MTUS2: variants seen among roughly 807,000 people sequenced by gnomAD.
MTUS2 encodes the protein microtubule-associated tumor suppressor candidate 2.
A neutral mutation model predicts 114.1 loss-of-function variants in MTUS2; 40 were observed. The ratio of observed to expected loss-of-function variants is 0.35; its 90% CI spans 0.27 to 0.46. The LOEUF (loss-of-function observed/expected upper bound fraction) is 0.46, where lower values mean the gene tolerates loss of function less well. MTUS2 is among the 20% of genes least tolerant of loss of function. The pLI is 1.00. For synonymous variants in MTUS2, 688 were observed against 672.0 expected, an observed-to-expected ratio of 1.02 and a Z score of -0.37; for missense variants, 1,679 against 1,705.4, an observed-to-expected ratio of 0.98 and a Z score of 0.27.
intron 8 of MTUS2, among the ~76,000 whole-genome samples, chr13:29,411,605 AAC>A (rs1875244406): frequency 6.6e-6 from 1 of 152,244 alleles, no homozygotes; most frequent in African/African-American, 2.4e-5. Flanking sequence ...AACTCCATAA[AAC>A]ACAGATTTGT....
chr13:29,029,602 G>T (rs1216254536), intron 3 of MTUS2, among the ~76,000 whole-genome samples: 2 of 152,162 alleles, frequency 1.3e-5, no homozygotes, highest in African/African-American at 4.8e-5. Flanking sequence ...ACCTGAGGCT[G>T]GGTAAATTAT....
In MTUS2 at chr13:29,025,138, T is replaced by C. The variant is rs749814686; in HGVS notation, c.440T>C (p.Leu147Ser). The change falls in exon 3 of 16, where the codon TTG (leucine) becomes TCG (serine). Residue 147 changes from leucine to serine, a missense_variant. Coordinates refer to ENST00000612955, the MANE Select transcript of MTUS2 (RefSeq NM_001033602.4). The stretch of plus-strand genomic sequence containing the variant: ...ATGAGTGAGGCCAGTCTAGACGTTT[T>C]GGCTAAAAGGGATGCTGAAATTCCC... Reference protein sequence around the residue: ...NVMSEASLDVLAKRDAEIPRH... With the variant: ...NVMSEASLDVSAKRDAEIPRH... The C allele has an allele frequency of 1.2e-6, 2 of 1,613,964 alleles. No individual in the cohort carries two copies. Among genetic ancestry groups the C allele is most frequent in the Non-Finnish European group, 1.7e-6 (2 of 1,179,894 alleles).
At chr13:29,047,484 C>T (rs1887678558) in intron 4 of MTUS2, among the ~76,000 whole-genome samples, 1 of 150,760 alleles carries the variant, frequency 6.6e-6, no homozygotes, top group Non-Finnish European at 1.5e-5. Context: ...ATTAGTTGAG[C>T]TATAGTTCAC....
chr13:29,465,745 G>A (rs371056237), intron 9 of MTUS2, among the ~76,000 whole-genome samples: 4 of 152,140 alleles, frequency 2.6e-5, no homozygotes, highest in South Asian at 2.1e-4. Flanking sequence ...CCAGCCAGCC[G>A]GCATGCTGGG....
intron 6 of MTUS2, among the ~76,000 whole-genome samples, chr13:29,287,882 C>T (rs1898555929): frequency 6.6e-6 from 1 of 152,192 alleles, no homozygotes. Context: ...ACAGGGTTCA[C>T]AGGCTGATGG....
At position 29,151,288 on chromosome 13, in the gene MTUS2, AT is replaced by A. The variant is rs200121560; in HGVS notation, c.2644+50324del. Among the ~76,000 whole-genome samples the A allele has an allele frequency of 9.0e-3, 1,370 of 152,024 alleles. 7 individuals are homozygous for A. Among genetic ancestry groups the A allele is most frequent in the Non-Finnish European group, 0.013 (895 of 67,932 alleles). On this transcript the variant is annotated intron_variant, in intron 5 of 15. Coordinates refer to ENST00000612955, the MANE Select transcript of MTUS2 (RefSeq NM_001033602.4). The stretch of plus-strand genomic sequence containing the variant: ...GTTAAATATATTTGTAGATATTTTA[AT>A]TTTTTGTGACTATTGTAAGTGGGAT...
chr13:29,134,371 T>C (rs1891886107), intron 5 of MTUS2, among the ~76,000 whole-genome samples: 1 of 147,268 alleles, frequency 6.8e-6, no homozygotes, highest in African/African-American at 2.4e-5. Context: ...TAGAGTACTC[T>C]GTATAAATCT....
intron 8 of MTUS2, among the ~76,000 whole-genome samples, chr13:29,437,947 CAAAAA>C (rs60962567): frequency 1.5e-5 from 2 of 136,374 alleles, no homozygotes; most frequent in Admixed American, 7.2e-5. Context: ...GATCTTATCT[CAAAAA>C]AAAAAAAAAA....
rs1593220288 is a variant in MTUS2 at position 29,248,700 on chromosome 13, T to A, written c.2645-33004T>A. ...TGTCCATGTGTTCTCATCGTTCATC[T>A]CCCACTTATGAGTGAGAACATGTGG... On this transcript the variant is annotated intron_variant, in intron 5 of 15. Transcript: ENST00000612955. Among the ~76,000 whole-genome samples, 4 of 152,306 alleles carry A rather than the reference T, an allele frequency of 2.6e-5. 1 individual carries two copies. Among genetic ancestry groups the A allele is most frequent in the Admixed American group, 2.6e-4 (4 of 15,302 alleles).
chr13:28,848,507 A>G (rs181046594), intron 2 of MTUS2, among the ~76,000 whole-genome samples: 113 of 152,100 alleles, frequency 7.4e-4, no homozygotes, highest in Admixed American at 1.6e-3. Flanking sequence ...ATAAAAACAA[A>G]CTTGTTGGAA....
rs530869231 is a variant in MTUS2 at position 29,017,664 on chromosome 13, T to C, written c.-242-6793T>C. Among the ~76,000 whole-genome samples the C allele has an allele frequency of 4.6e-5, 7 of 152,052 alleles. No individual in the cohort carries two copies. The South Asian group carries it at 1.0e-3, about 23-fold the overall frequency. On this transcript the variant is annotated intron_variant, in intron 2 of 15. Transcript: ENST00000612955. ...GGAGGACGTCTAACCAGTTGCTCAGTTGGGAAGGGTGGCTTTACAATTTTC... is the reference window on the plus strand; with the variant it reads ...GGAGGACGTCTAACCAGTTGCTCAGCTGGGAAGGGTGGCTTTACAATTTTC...
At chr13:29,243,346 G>C (rs767357177) in intron 5 of MTUS2, among the ~76,000 whole-genome samples, 1 of 152,110 alleles carries the variant, frequency 6.6e-6, no homozygotes, top group African/African-American at 2.4e-5. Flanking sequence ...TAGCTGGGCC[G>C]CAGGAGCCAA....
At chr13:29,331,902 A>G (rs577119765) in intron 7 of MTUS2, among the ~76,000 whole-genome samples, 1 of 152,164 alleles carries the variant, frequency 6.6e-6, no homozygotes, top group Admixed American at 6.5e-5. Context: ...CATCCTAGGG[A>G]TAAAGCCGAG....
At chr13:29,409,860 C>T (rs1875091895) in intron 8 of MTUS2, among the ~76,000 whole-genome samples, 1 of 151,358 alleles carries the variant, frequency 6.6e-6, no homozygotes, top group Non-Finnish European at 1.5e-5. Flanking sequence ...GTTGTTGGAC[C>T]ATTCTCCTAG....
At chr13:29,090,384 G>T (rs1203641695) in intron 4 of MTUS2, among the ~76,000 whole-genome samples, 1 of 152,200 alleles carries the variant, frequency 6.6e-6, no homozygotes, top group African/African-American at 2.4e-5. Context: ...TAGGGTAGTG[G>T]AGTGCCTGTG....
chr13:28,898,790 T>C (rs539550283), intron 2 of MTUS2, among the ~76,000 whole-genome samples: 1 of 152,324 alleles, frequency 6.6e-6, no homozygotes, highest in East Asian at 1.9e-4. Flanking sequence ...AATAATATCA[T>C]GTAATGGGCT....
At chr13:29,085,348 G>C (rs1889644670) in intron 4 of MTUS2, among the ~76,000 whole-genome samples, 1 of 152,172 alleles carries the variant, frequency 6.6e-6, no homozygotes. Flanking sequence ...TAAATTGTAT[G>C]TCACTGAAGT....
chr13:28,906,064 G>C (rs1401056741), intron 2 of MTUS2, among the ~76,000 whole-genome samples: 2 of 151,580 alleles, frequency 1.3e-5, no homozygotes, highest in East Asian at 3.8e-4. Context: ...AGTATTCTCT[G>C]ATGGTAGTTT....
intron 2 of MTUS2, among the ~76,000 whole-genome samples, chr13:28,935,309 T>A (rs927964166): frequency 3.3e-5 from 5 of 152,120 alleles, no homozygotes; most frequent in African/African-American, 1.2e-4. Context: ...AATTGCTGAG[T>A]CATAGGATGT....
Sources: allele counts gnomAD v4.1 joint callset (sites outside exome capture counted in the v4.1 genomes callset), GRCh38; gene constraint gnomAD v4.1.1; transcripts MANE v1.5; gene names NCBI Gene and HGNC (gene_info 2026-07-23, HGNC 2026-07-21).